OPCML: variants seen among roughly 807,000 people sequenced by gnomAD.
The protein encoded by OPCML is opioid binding protein/cell adhesion molecule like.
Under a neutral mutation model 37.8 loss-of-function variants are expected in OPCML, and 13 were observed. The observed-to-expected ratio is 0.34, with a 90% CI of 0.22 to 0.55. The LOEUF (loss-of-function observed/expected upper bound fraction) is 0.55, where lower values mean the gene tolerates loss of function less well. OPCML is among the 20% of genes least tolerant of loss of function. OPCML has a pLI of 0.91. For synonymous variants in OPCML, 176 were observed against 168.8 expected (o/e 1.04, Z -0.33); for missense variants, 341 against 435.6 (o/e 0.78, Z 1.93).
At chr11:132,428,445 A>G (rs957597171) in intron 7 of OPCML, among the ~76,000 whole-genome samples, 5 of 152,238 alleles carry the variant, frequency 3.3e-5, no homozygotes, top group African/African-American at 7.2e-5. Flanking sequence ...CAAACAAAAT[A>G]TAAGCATAGG....
At chr11:133,228,022 G>T (rs951775783) in intron 1 of OPCML, among the ~76,000 whole-genome samples, 3 of 152,168 alleles carry the variant, frequency 2.0e-5, no homozygotes, top group Non-Finnish European at 2.9e-5. Flanking sequence ...CTGGGGCTGG[G>T]TTGATCCAAC....
Position 132,657,138 on chromosome 11 carries a change from C to T in OPCML, c.328G>A (p.Val110Met). 3 of 1,614,222 alleles carry T rather than the reference C, an allele frequency of 1.9e-6. No individual in the cohort carries two copies. Among genetic ancestry groups the T allele is most frequent in the Non-Finnish European group, 2.5e-6 (3 of 1,180,048 alleles). Residue 110 changes from valine (V) to methionine (M), a missense_variant, in exon 3 of 8, where the codon GTG (valine) becomes ATG (methionine). By Grantham distance (21) the Val-to-Met change is conservative. Coordinates refer to ENST00000524381, the MANE Select transcript of OPCML (RefSeq NM_001012393.5). The part of the protein sequence containing the change: ...VYDEGPYTCS[V>M]QTDNHPKTSR... ...GTTTTGGGATGATTGTCTGTCTGCACAGAGCAGGTGTACGGACCTTCGTCA... is the reference window on the plus strand; with the variant it reads ...GTTTTGGGATGATTGTCTGTCTGCATAGAGCAGGTGTACGGACCTTCGTCA...
intron 3 of OPCML, among the ~76,000 whole-genome samples, chr11:132,550,055 T>G (rs2096377902): frequency 6.6e-6 from 1 of 152,190 alleles, no homozygotes; most frequent in South Asian, 2.1e-4. Context: ...CCCTGAATTC[T>G]TTCTTGCATG....
intron 1 of OPCML, among the ~76,000 whole-genome samples, chr11:133,456,021 T>G (rs905874983): frequency 6.6e-6 from 1 of 152,208 alleles, no homozygotes; most frequent in Non-Finnish European, 1.5e-5. Context: ...GATGGTTTGC[T>G]GTCGTGTCTG....
intron 2 of OPCML, among the ~76,000 whole-genome samples, chr11:132,876,847 G>A (rs559418690): frequency 3.3e-5 from 5 of 152,166 alleles, no homozygotes; most frequent in Admixed American, 2.6e-4. Flanking sequence ...GGATCTTCAG[G>A]GGTAAAGGAT....
chr11:132,820,726 G>A (rs1939929823), intron 2 of OPCML, among the ~76,000 whole-genome samples: 1 of 152,102 alleles, frequency 6.6e-6, no homozygotes, highest in African/African-American at 2.4e-5. Context: ...AGGCAGTTTG[G>A]TGACAGAAGG....
rs78510766 is a variant in OPCML at position 133,435,105 on chromosome 11, A to G, written c.61+97159T>C. 2.4e-4 allele frequency among the ~76,000 whole-genome samples: 37 copies of G among 152,068 alleles called. No individual in the cohort carries two copies. In the East Asian group the frequency reaches 7.1e-3, roughly 29 times the overall value. ...TTTTAATAGCTTTATAAATTACTTG[A>G]GTTCTGTATTTATAGAATCATTAAG... On this transcript the variant is annotated intron_variant, in intron 1 of 7. Transcript: ENST00000524381.
At chr11:132,634,804 C>T (rs780633024) in intron 3 of OPCML, among the ~76,000 whole-genome samples, 2 of 152,082 alleles carry the variant, frequency 1.3e-5, no homozygotes, top group Non-Finnish European at 2.9e-5. Flanking sequence ...GGAAATTGAA[C>T]TTCAGTAGAT....
chr11:133,375,157 CAT>C (rs1051972442), intron 1 of OPCML, among the ~76,000 whole-genome samples: 1 of 152,188 alleles, frequency 6.6e-6, no homozygotes, highest in Non-Finnish European at 1.5e-5. Flanking sequence ...TTCTATTTTC[CAT>C]AGAGTCTTCC....
intron 1 of OPCML, among the ~76,000 whole-genome samples, chr11:133,192,870 CT>C (rs199872888): frequency 0.12 from 17,060 of 137,982 alleles, 985 homozygotes; most frequent in East Asian, 0.19. Flanking sequence ...CTTTTCTTTT[CT>C]TTTTTTTTTT....
chr11:132,832,258 A>AG (rs1305807874), intron 2 of OPCML, among the ~76,000 whole-genome samples: 1 of 151,780 alleles, frequency 6.6e-6, no homozygotes, highest in Non-Finnish European at 1.5e-5. Context: ...GAAAAAAAAA[A>AG]ATGATAGTGT....
intron 1 of OPCML, chr11:133,360,437 C>T (rs986501168): frequency 1.3e-5 from 2 of 152,244 alleles, no homozygotes; most frequent in Admixed American, 6.5e-5. Context: ...AGCCGGTCTC[C>T]TCTGGACTGA....
At chr11:133,457,620 CAT>C (rs1371460753) in intron 1 of OPCML, among the ~76,000 whole-genome samples, 1 of 150,644 alleles carries the variant, frequency 6.6e-6, no homozygotes, top group Non-Finnish European at 1.5e-5. Flanking sequence ...TTTAAGACAC[CAT>C]ATATATATAT....
chr11:132,508,692 T>C (rs574129049), intron 4 of OPCML, among the ~76,000 whole-genome samples: 89 of 152,284 alleles, frequency 5.8e-4, no homozygotes, highest in Admixed American at 2.2e-3. Flanking sequence ...GGTTTCCGCT[T>C]TTGCTTTTTC....
chr11:133,304,311 A>G (rs77202206), intron 1 of OPCML, among the ~76,000 whole-genome samples: 6,429 of 152,336 alleles, frequency 0.042, 200 homozygotes, highest in Non-Finnish European at 0.072. Context: ...TATAACATTT[A>G]TGGAGCTCAG....
intron 1 of OPCML, among the ~76,000 whole-genome samples, chr11:133,161,235 G>A (rs186409282): frequency 1.3e-5 from 2 of 152,260 alleles, no homozygotes; most frequent in Admixed American, 1.3e-4. Flanking sequence ...AAAATGCAAA[G>A]AAAATATAAT....
At chr11:133,486,315 C>T (rs1947524587) in intron 1 of OPCML, among the ~76,000 whole-genome samples, 1 of 152,192 alleles carries the variant, frequency 6.6e-6, no homozygotes, top group Non-Finnish European at 1.5e-5. Flanking sequence ...TTTCCAAACT[C>T]AACATGTCTT....
chr11:133,001,718 AACTGGGATTAAAAC>A (rs1471691200), intron 1 of OPCML, among the ~76,000 whole-genome samples: 3 of 152,240 alleles, frequency 2.0e-5, no homozygotes, highest in African/African-American at 7.2e-5. Context: ...CCAATGAGGG[AACTGGGATTAAAAC>A]CCAAAGGCCT....
At chr11:132,484,177 G>A (rs1417890189) in intron 4 of OPCML, among the ~76,000 whole-genome samples, 1 of 152,080 alleles carries the variant, frequency 6.6e-6, no homozygotes, top group Non-Finnish European at 1.5e-5. Flanking sequence ...ATCTGACAAA[G>A]GGCTAATATC....
Sources: gnomAD v4.1 joint callset for allele counts (sites outside exome capture counted in the v4.1 genomes callset) on GRCh38, gnomAD v4.1.1 for gene constraint, MANE v1.5 for transcripts, NCBI Gene and HGNC (gene_info 2026-07-23, HGNC 2026-07-21) for gene names.